COL20A1: variants seen among roughly 807,000 people sequenced by gnomAD.
COL20A1 encodes collagen type XX alpha 1 chain, also known as collagen alpha-1(XX) chain.
Under a neutral mutation model 152.9 loss-of-function variants are expected in COL20A1, and 164 were observed. That is an observed-to-expected ratio of 1.07 (90% CI 0.94 to 1.22). The LOEUF is 1.22. Among genes scored for constraint, COL20A1 ranks in the 50% most tolerant of loss-of-function variants. The pLI is 0.00. For synonymous variants in COL20A1, 864 were observed against 756.0 expected (o/e 1.14, Z -2.34); for missense variants, 1,873 against 1,744.8 (o/e 1.07, Z -1.31).
intron 26 of COL20A1, 94 bp downstream of exon 26, chr20:63,321,193 G>A (rs959355603): frequency 6.8e-5 from 51 of 752,568 alleles, no homozygotes; most frequent in Middle Eastern, 2.9e-4. Context: ...CTCCCGCCCC[G>A]GTCCATGCCC....
chr20:63,323,448 CTCCTCCTGGT>C (rs1265937293), intron 27 of COL20A1, among the ~76,000 whole-genome samples: 1 of 152,218 alleles, frequency 6.6e-6, no homozygotes, highest in Non-Finnish European at 1.5e-5. Context: ...GAAATCGCGC[CTCCTCCTGGT>C]TCCTCCTGGT....
intron 33 of COL20A1, 87 bp downstream of exon 33, chr20:63,328,214 G>A: frequency 6.4e-7 from 1 of 1,573,738 alleles, no homozygotes; most frequent in Non-Finnish European, 8.7e-7. Context: ...GCCAGGCCGA[G>A]GGAGGCCGCC....
At chr20:63,321,488 A>G (rs2068162280) in intron 26 of COL20A1, among the ~76,000 whole-genome samples, 2 of 152,186 alleles carry the variant, frequency 1.3e-5, no homozygotes. Flanking sequence ...TCCAGGCGCA[A>G]CTGGGATCCA....
intron 8 of COL20A1, 92 bp downstream of exon 8, chr20:63,308,798 T>C: frequency 1.7e-6 from 2 of 1,175,166 alleles, no homozygotes; most frequent in Non-Finnish European, 2.3e-6. Context: ...ACCTGGTCCC[T>C]GAGCCCCAGC....
At chr20:63,295,777 C>T (rs1259461012) in intron 2 of COL20A1, among the ~76,000 whole-genome samples, 3 of 152,262 alleles carry the variant, frequency 2.0e-5, no homozygotes, top group Non-Finnish European at 2.9e-5. Flanking sequence ...CTTCTTCCTC[C>T]TGTTGAGAAA....
Position 63,314,156 on chromosome 20 carries a change from T to C in COL20A1, c.2443T>C (p.Tyr815His), listed in dbSNP as rs989584911. Residue 815 changes from tyrosine to histidine, a missense_variant, in exon 19 of 36, where the codon TAT (tyrosine) becomes CAT (histidine). By Grantham distance (83) the Tyr-to-His change is moderately conservative. Transcript: ENST00000358894. ...GTACAGGGTCCTGGTCTCAGCTATC[T>C]ATGCAGCAGGCAGGAGTGAGGCTGT... ...TKYRVLVSAI[Y>H]AAGRSEAVSA... 3.1e-6 allele frequency: 5 copies of C among 1,593,530 alleles called. No homozygotes were observed. The highest frequency in any genetic ancestry group is 4.3e-6 in the Non-Finnish European group (5 of 1,170,518).
chr20:63,326,765 TG>T lies in COL20A1; in HGVS notation c.3472del (p.Ala1158GlnfsTer44). 6.8e-7 allele frequency: 1 copy of T among 1,477,560 alleles called. No individual in the cohort carries two copies. The highest frequency in any genetic ancestry group is 8.9e-7 in the Non-Finnish European group (1 of 1,122,332). The allele number at this position is 1,477,560 out of a possible 1,614,324, so 91.5% of individuals were successfully genotyped here. A position where few individuals can be genotyped will look rare whatever the true frequency, so the allele number is the denominator to read the frequency against. On this transcript the variant is annotated frameshift_variant, in exon 31 of 36. Coordinates refer to ENST00000358894, the MANE Select transcript of COL20A1 (RefSeq NM_020882.4). LOFTEE classifies it high-confidence loss of function. ...GTGTCTATGCAGGGGTTCCAGGGCA[TG>T]GCAGGGGCCAGGGGCACTAGTGGAG... ...GPPGPRGFQGMAGARGTSGER... is the reference protein window; with the variant it reads ...GPPGPRGFQGXAGARGTSGER...
In COL20A1 at chr20:63,316,644, C is replaced by A. The variant is rs778320233; in HGVS notation, c.2616C>A (p.Thr872=). The part of the protein sequence containing the change: ...VAMEPSAFGG[T]PTFTLFKDAQ... ...TGGAGCCCTCTGCCTTCGGTGGGAC[C>A]CCGACCTTCACGCTCTTCAAGGACG... Residue 872 remains threonine (T), a synonymous_variant, in exon 21 of 36, where the codon ACC becomes ACA. Transcript: ENST00000358894. 6 of 1,577,320 alleles carry A rather than the reference C, an allele frequency of 3.8e-6. No individual in the cohort carries two copies. Among genetic ancestry groups the A allele is most frequent in the African/African-American group, 1.3e-5 (1 of 74,292 alleles).
chr20:63,297,727 C>T (rs901185793), intron 2 of COL20A1, among the ~76,000 whole-genome samples, 183 bp from the exon 3 acceptor site: 2 of 152,230 alleles, frequency 1.3e-5, no homozygotes, highest in Admixed American at 6.5e-5. Context: ...GGCGAGGCCT[C>T]GTATCCCCAA....
intron 35 of COL20A1, among the ~76,000 whole-genome samples, chr20:63,330,320 G>C (rs1489990410): frequency 6.6e-6 from 1 of 152,116 alleles, no homozygotes; most frequent in Admixed American, 6.5e-5. Flanking sequence ...GTGTGACCTG[G>C]GGCCCATGAG....
At chr20:63,317,648 C>A (rs1444526514) in intron 21 of COL20A1, among the ~76,000 whole-genome samples, 2 of 152,054 alleles carry the variant, frequency 1.3e-5, no homozygotes, top group African/African-American at 2.4e-5. Flanking sequence ...CGGCCCTGGC[C>A]CCCTGGTCAC....
chr20:63,297,294 T>C (rs371389528), intron 2 of COL20A1, among the ~76,000 whole-genome samples: 107 of 109,360 alleles, frequency 9.8e-4, no homozygotes, highest in East Asian at 1.3e-3. Context: ...GGACCCAGCC[T>C]GGGGACTCAG....
intron 15 of COL20A1, 43 bp from the exon 16 acceptor site, chr20:63,312,749 G>T: frequency 6.6e-7 from 1 of 1,506,174 alleles, no homozygotes; most frequent in Non-Finnish European, 8.9e-7. Flanking sequence ...AGGTGCCCAG[G>T]CTCAGGGGCT....
intron 3 of COL20A1, among the ~76,000 whole-genome samples, chr20:63,299,357 A>G (rs529178123): frequency 6.6e-6 from 1 of 152,178 alleles, no homozygotes; most frequent in African/African-American, 2.4e-5. Flanking sequence ...ACACTGTATG[A>G]TTGCTTCCGT....
Position 63,305,984 on chromosome 20 carries a change from G to A in COL20A1, c.441G>A (p.Glu147=), listed in dbSNP as rs1199128770. 1 of 1,612,708 alleles carries A rather than the reference G, an allele frequency of 6.2e-7. No individual in the cohort carries two copies. Among genetic ancestry groups the A allele is most frequent in the African/African-American group, 1.3e-5 (1 of 74,952 alleles). Reference sequence around the variant, plus strand: ...CCCACACGGGGAGCCCAGACCCTGAGCAGGCTTCTGAGCCCCAAGTTGCCT... The same window carrying A: ...CCCACACGGGGAGCCCAGACCCTGAACAGGCTTCTGAGCCCCAAGTTGCCT... ...TPSHTGSPDP[E]QASEPQVAFT... is the part of the protein sequence containing the mutation. The change falls in exon 5 of 36, where the codon GAG becomes GAA. Residue 147 remains glutamate (E), a synonymous_variant. Coordinates refer to ENST00000358894, the MANE Select transcript of COL20A1 (RefSeq NM_020882.4). The surrounding 1 kb of genome is among the most constrained non-coding windows in gnomAD (Gnocchi z 4.9).
Position 63,313,271 on chromosome 20 carries a change from C to A in COL20A1, c.2209+22C>A. ...CCCTGTAGGTGCCCCTCCACTTCCC[C>A]TCTGCTGGGTGTGGGGCAGGGATGG... On this transcript the variant is annotated intron_variant, in intron 17 of 35. Transcript: ENST00000358894. This position sits in a 1 kb window ranked among gnomAD's most constrained non-coding sequence, Gnocchi z 5.9. The A allele has an allele frequency of 6.3e-7, 1 of 1,597,362 alleles. No individual in the cohort carries two copies. The highest frequency in any genetic ancestry group is 8.5e-7 in the Non-Finnish European group (1 of 1,169,886).
intron 9 of COL20A1, 123 bp from the exon 10 acceptor site, chr20:63,309,635 A>G: frequency 1.6e-6 from 2 of 1,242,406 alleles, no homozygotes; most frequent in Non-Finnish European, 2.2e-6. Flanking sequence ...ACCCCCTTAC[A>G]TCTGTCCACA....
rs762378153 is a variant in COL20A1 at position 63,305,957 on chromosome 20, C to T, written c.414C>T (p.Pro138=). Residue 138 remains proline (P), a synonymous_variant, in exon 5 of 36, where the codon CCC becomes CCT. Transcript: ENST00000358894. This position sits in a 1 kb window ranked among gnomAD's most constrained non-coding sequence, Gnocchi z 4.9. The part of the protein sequence containing the change: ...PLGSGAPEPT[P]SHTGSPDPEQ... ...GCTCTGGAGCCCCGGAGCCCACCCC[C>T]TCCCACACGGGGAGCCCAGACCCTG... The T allele has an allele frequency of 1.1e-5, 17 of 1,612,790 alleles. No individual in the cohort carries two copies. Among genetic ancestry groups the T allele is most frequent in the Admixed American group, 1.7e-5 (1 of 60,000 alleles).
chr20:63,316,599 G>A lies in COL20A1; in HGVS notation c.2571G>A (p.Ala857=), dbSNP rs1170886302. 1.1e-5 allele frequency: 17 copies of A among 1,586,036 alleles called. No individual in the cohort carries two copies. The highest frequency in any genetic ancestry group is 4.0e-5 in the African/African-American group (3 of 74,388). Residue 857 remains alanine, a synonymous_variant, in exon 21 of 36, where the codon GCG becomes GCA. Coordinates refer to ENST00000358894, the MANE Select transcript of COL20A1 (RefSeq NM_020882.4). ...TCAGCCTGGTGGAAAAGGCTTATGC[G>A]TCCATCCGGGGCGTGGCCATGGAGC... is the stretch of plus-strand genomic sequence containing the variant. ...VAFSLVEKAY[A]SIRGVAMEPS...
Sources: allele counts gnomAD v4.1 joint callset (sites outside exome capture counted in the v4.1 genomes callset), GRCh38; gene constraint gnomAD v4.1.1; non-coding constraint Gnocchi (gnomAD v3.1); transcripts MANE v1.5; gene names NCBI Gene and HGNC (gene_info 2026-07-23, HGNC 2026-07-21).